The following OLFM3 variants were observed in gnomAD, a reference collection of about 807,000 sequenced individuals.
OLFM3 encodes noelin-3.
Under a neutral mutation model 48.6 loss-of-function variants are expected in OLFM3, and 20 were observed. The observed-to-expected ratio is 0.41, with a 90% confidence interval of 0.29 to 0.60. The LOEUF (loss-of-function observed/expected upper bound fraction) is 0.60. Among genes scored for constraint, OLFM3 ranks in the 20% least tolerant of loss-of-function variants. The pLI, the probability that OLFM3 is intolerant of heterozygous loss-of-function variation, is 0.28. For synonymous variants in OLFM3, 222 were observed against 198.1 expected (o/e 1.12, Z -1.01); for missense variants, 437 against 544.3 (o/e 0.80, Z 1.96).
chr1:101,872,838 A>G (rs1030736966), intron 1 of OLFM3, among the ~76,000 whole-genome samples: 2 of 151,926 alleles, frequency 1.3e-5, no homozygotes, highest in Non-Finnish European at 2.9e-5. Context: ...TAGAAACTCT[A>G]TTGAAGATTG....
chr1:101,980,362 A>G (rs1362918383), intron 1 of OLFM3, among the ~76,000 whole-genome samples: 1 of 152,132 alleles, frequency 6.6e-6, no homozygotes, highest in Non-Finnish European at 1.5e-5. Flanking sequence ...TGTAATCCCC[A>G]TAATCTCCAT....
chr1:101,820,502 C>T (rs970209475), intron 4 of OLFM3, among the ~76,000 whole-genome samples: 3 of 152,054 alleles, frequency 2.0e-5, no homozygotes, highest in Non-Finnish European at 4.4e-5. Context: ...GGACTTTATC[C>T]TATTCCATCT....
intron 1 of OLFM3, among the ~76,000 whole-genome samples, chr1:101,960,152 C>A (rs1437844396): frequency 1.3e-5 from 2 of 152,046 alleles, no homozygotes; most frequent in Non-Finnish European, 2.9e-5. Context: ...AAAGCACTAG[C>A]AAAAACAGTG....
intron 1 of OLFM3, among the ~76,000 whole-genome samples, chr1:101,952,114 T>G (rs1276238774): frequency 2.0e-5 from 3 of 152,130 alleles, no homozygotes; most frequent in African/African-American, 7.2e-5. Flanking sequence ...ACCCTGGCTT[T>G]GCTATTTACC....
intron 1 of OLFM3, among the ~76,000 whole-genome samples, chr1:101,981,588 C>G (rs1391882533): frequency 6.6e-6 from 1 of 152,204 alleles, no homozygotes; most frequent in African/African-American, 2.4e-5. Flanking sequence ...TCAGACATCT[C>G]CCCTGAACTT....
chr1:101,840,239 A>G (rs894934272), intron 1 of OLFM3, among the ~76,000 whole-genome samples: 1 of 152,178 alleles, frequency 6.6e-6, no homozygotes, highest in African/African-American at 2.4e-5. Context: ...TCATTAATGG[A>G]GTTCTATTCA....
At chr1:101,956,018 A>G (rs1245900860) in intron 1 of OLFM3, among the ~76,000 whole-genome samples, 1 of 150,470 alleles carries the variant, frequency 6.6e-6, no homozygotes, top group Non-Finnish European at 1.5e-5. Context: ...ACTGGTCACC[A>G]AATTCTGTCA....
intron 4 of OLFM3, 116 bp from the exon 5 acceptor site, chr1:101,806,298 T>C (rs183159435): frequency 2.9e-5 from 21 of 725,856 alleles, no homozygotes; most frequent in East Asian, 2.7e-4. Context: ...ATGGAATTAA[T>C]ATCACATTTC....
At chr1:101,815,062 G>A (rs1347162225) in intron 4 of OLFM3, among the ~76,000 whole-genome samples, 2 of 152,034 alleles carry the variant, frequency 1.3e-5, no homozygotes, top group Non-Finnish European at 2.9e-5. Flanking sequence ...ACGAATGATC[G>A]AAAGTCATTG....
intron 1 of OLFM3, among the ~76,000 whole-genome samples, chr1:101,883,139 C>G (rs1457243974): frequency 6.6e-6 from 1 of 151,528 alleles, no homozygotes; most frequent in Admixed American, 6.6e-5. Context: ...CAAAACTGTC[C>G]CAGGTAGCTG....
intron 1 of OLFM3, among the ~76,000 whole-genome samples, chr1:101,956,086 G>GTTTTTTTTTTTTTT (rs71592232): frequency 0.016 from 1,648 of 104,354 alleles, 71 homozygotes; most frequent in African/African-American, 0.062. Context: ...ACAATAACAG[G>GTTTTTTTTTTTTTT]TTTTTTTTTT....
intron 4 of OLFM3, among the ~76,000 whole-genome samples, chr1:101,818,878 C>G (rs1363014099): frequency 1.3e-5 from 2 of 152,128 alleles, no homozygotes; most frequent in African/African-American, 2.4e-5. Context: ...CAAATTTGCT[C>G]TTGACCATTC....
At chr1:101,848,969 T>C (rs1656120830) in intron 1 of OLFM3, among the ~76,000 whole-genome samples, 1 of 152,108 alleles carries the variant, frequency 6.6e-6, no homozygotes, top group Admixed American at 6.6e-5. Flanking sequence ...GTGCTCTGAT[T>C]TGCAAATTAT....
chr1:101,835,819 G>A lies in OLFM3; in HGVS notation c.216+1060C>T, dbSNP rs190077807. On this transcript the variant is annotated intron_variant, in intron 2 of 5. Coordinates refer to ENST00000370103, the MANE Select transcript of OLFM3 (RefSeq NM_058170.4). ...GAGAAACAGACTAAGCTTTATATAAGCACATGAAAAAATCCTAAAATCTTA... is the reference window on the plus strand; with the variant it reads ...GAGAAACAGACTAAGCTTTATATAAACACATGAAAAAATCCTAAAATCTTA... 2.5e-3 allele frequency among the ~76,000 whole-genome samples: 383 copies of A among 152,186 alleles called. 4 individuals carry two copies. Among genetic ancestry groups the A allele is most frequent in the African/African-American group, 8.7e-3 (361 of 41,530 alleles).
At position 101,802,869 on chromosome 1, in the gene OLFM3, G is replaced by A. The variant is rs942104623; in HGVS notation, c.*1369C>T. 5.9e-5 allele frequency: 9 copies of A among 151,276 alleles called. No homozygotes were observed. The highest frequency in any genetic ancestry group is 1.3e-4 in the Admixed American group (2 of 15,164). 9.4% of individuals were successfully genotyped at this position (151,276 alleles called of 1,614,324 possible). ...CCTTAGGGAACTATTTTTTTAATAT[G>A]TGGAAAATACATCCAAACTCAATGA... On this transcript the variant is annotated 3_prime_UTR_variant, in exon 6 of 6. Transcript: ENST00000370103.
At chr1:101,936,249 G>C (rs537925735) in intron 1 of OLFM3, among the ~76,000 whole-genome samples, 69 of 152,182 alleles carry the variant, frequency 4.5e-4, no homozygotes, top group African/African-American at 1.6e-3. Flanking sequence ...TCCTACGTCT[G>C]ACAAACAACT....
intron 1 of OLFM3, among the ~76,000 whole-genome samples, chr1:101,977,239 T>C (rs1413887618): frequency 6.6e-6 from 1 of 152,180 alleles, no homozygotes; most frequent in Non-Finnish European, 1.5e-5. Context: ...CCCATAGCAG[T>C]TGGAGAAACT....
intron 1 of OLFM3, among the ~76,000 whole-genome samples, chr1:101,948,845 G>A (rs2339199): frequency 0.51 from 75,415 of 147,228 alleles, 19,635 homozygotes; most frequent in Middle Eastern, 0.65. Flanking sequence ...ATAATATTAT[G>A]TATTTTTATA....
intron 1 of OLFM3, among the ~76,000 whole-genome samples, chr1:101,933,356 A>G (rs750811782): frequency 2.6e-5 from 4 of 152,072 alleles, no homozygotes; most frequent in Non-Finnish European, 5.9e-5. Flanking sequence ...AACTGACGAA[A>G]GAATCTCAGA....
Sources: allele counts gnomAD v4.1 joint callset (sites outside exome capture counted in the v4.1 genomes callset), GRCh38; gene constraint gnomAD v4.1.1; transcripts MANE v1.5; gene names NCBI Gene and HGNC (gene_info 2026-07-23, HGNC 2026-07-21).